Variants in CCT6A observed in about 807,000 individuals in gnomAD.
The protein encoded by CCT6A is chaperonin containing TCP1 subunit 6A, also known as T-complex protein 1 subunit zeta.
Under a neutral mutation model 58.6 loss-of-function variants are expected in CCT6A, and 6 were observed. The observed-to-expected ratio is 0.10, with a 90% CI of 0.06 to 0.20. The LOEUF is 0.20. Among genes scored for constraint, CCT6A ranks in the 10% least tolerant of loss-of-function variants. The pLI, the probability that CCT6A is intolerant of heterozygous loss-of-function variation, is 1.00. For missense variants in CCT6A, 516 were observed against 648.8 expected, an observed-to-expected ratio of 0.80 and a Z score of 2.22; for synonymous variants, 245 against 227.8, an observed-to-expected ratio of 1.08 and a Z score of -0.68.
chr7:56,052,396 C>CTGGTTCATTTCTGT, intron 1 of CCT6A, 26 bp from the exon 2 acceptor site: 1 of 1,607,164 alleles, frequency 6.2e-7, no homozygotes, highest in African/African-American at 1.3e-5. Flanking sequence ...AAGTCATAGT[C>CTGGTTCATTTCTGT]TGGTTCATTT....
intron 2 of CCT6A, among the ~76,000 whole-genome samples, chr7:56,052,969 T>C (rs1794204223): frequency 6.6e-6 from 1 of 152,120 alleles, no homozygotes; most frequent in African/African-American, 2.4e-5. Context: ...GATTTTTGTA[T>C]TTTTAGTAGA....
At chr7:56,056,738 A>G (rs965209401) in intron 5 of CCT6A, among the ~76,000 whole-genome samples, 5 of 151,582 alleles carry the variant, frequency 3.3e-5, no homozygotes, top group African/African-American at 4.8e-5. Flanking sequence ...AAAAAAAACA[A>G]AAACAAAAAA....
intron 10 of CCT6A, 186 bp from the exon 11 acceptor site, chr7:56,060,621 C>G (rs1429798984): frequency 6.5e-6 from 6 of 927,784 alleles, no homozygotes; most frequent in South Asian, 2.6e-5. Flanking sequence ...TAATACTGAT[C>G]TGTTGAAAGC....
chr7:56,057,454 T>A (rs899230887), intron 5 of CCT6A, among the ~76,000 whole-genome samples: 4 of 152,130 alleles, frequency 2.6e-5, no homozygotes, highest in African/African-American at 9.7e-5. Flanking sequence ...TCCTCTCACT[T>A]CTGCCTCCGT....
intron 11 of CCT6A, 125 bp from the exon 12 acceptor site, chr7:56,061,622 C>T (rs1398929929): frequency 1.8e-6 from 1 of 547,830 alleles, no homozygotes; most frequent in Non-Finnish European, 3.2e-6. Context: ...CCTGGGATTA[C>T]AGGCGTGAGC....
chr7:56,060,798 A>G lies in CCT6A; in HGVS notation c.1214-9A>G, dbSNP rs747908326. On this transcript the variant is annotated splice_polypyrimidine_tract_variant and intron_variant, in intron 10 of 13. Transcript: ENST00000275603. The stretch of plus-strand genomic sequence containing the variant: ...TTCTTAGCATTTTTCCTTTTCCCCC[A>G]TCCAACAGGCTGTGTGGTTCCAGGT... 1.9e-6 allele frequency: 3 copies of G among 1,599,704 alleles called. No individual in the cohort carries two copies. The highest frequency in any genetic ancestry group is 4.5e-5 in the East Asian group (2 of 44,848).
At chr7:56,059,857 AT>A (rs35171408) in intron 9 of CCT6A, 8,780 of 371,826 alleles carry the variant, frequency 0.024, no homozygotes, top group Middle Eastern at 0.032. Context: ...TGACTGGCTA[AT>A]TTTTTTTTTT....
intron 5 of CCT6A, 50 bp from the exon 6 acceptor site, chr7:56,057,943 A>C (rs41298776): frequency 9.3e-4 from 899 of 963,210 alleles, no homozygotes; most frequent in Non-Finnish European, 1.2e-3. Context: ...TTAATATATT[A>C]AATACCCATC....
chr7:56,062,602 T>A (rs1335517992), intron 12 of CCT6A, 81 bp from the exon 13 acceptor site: 2 of 1,120,552 alleles, frequency 1.8e-6, no homozygotes, highest in East Asian at 4.7e-5. Context: ...AGGAAATGAG[T>A]CATCAGTGAT....
chr7:56,056,385 G>T lies in CCT6A; in HGVS notation c.585G>T (p.Glu195Asp), dbSNP rs773670362. ...ATCTCTTCATGATTGAGATCATGGA[G>T]ATGAAACATAAATCTGAAACTGATA... is the stretch of plus-strand genomic sequence containing the variant. The part of the protein sequence containing the change: ...PIDLFMIEIM[E>D]MKHKSETDTS... The change falls in exon 5 of 14, where the codon GAG (glutamate) becomes GAT (aspartate). Residue 195 changes from glutamate to aspartate, a missense_variant. Transcript: ENST00000275603. The T allele has an allele frequency of 1.9e-6, 3 of 1,585,150 alleles. No individual in the cohort carries two copies. The highest frequency in any genetic ancestry group is 2.6e-6 in the Non-Finnish European group (3 of 1,153,690).
chr7:56,059,261 A>G (rs1046093965), intron 8 of CCT6A, among the ~76,000 whole-genome samples: 1 of 151,932 alleles, frequency 6.6e-6, no homozygotes, highest in Non-Finnish European at 1.5e-5. Context: ...TCAACCTCCC[A>G]AAGTGTTGGG....
Position 56,058,174 on chromosome 7 carries a change from CTT to C in CCT6A, c.725+73_725+74del. 2.9e-6 allele frequency: 3 copies of C among 1,027,268 alleles called. No homozygotes were observed. The East Asian group carries it at 7.4e-5, about 25-fold the overall frequency. The allele number at this position is 1,027,268 out of a possible 1,614,324, so 63.6% of individuals were successfully genotyped here. ...TTAGGCGAGTTACTTTTTTGTGAAA[CTT>C]TGTTTCCCACTGTAAGGACAATAAT... On this transcript the variant is annotated intron_variant, in intron 6 of 13. Transcript: ENST00000275603.
At chr7:56,055,551 A>ATTACCTGAAC in intron 3 of CCT6A, 73 bp from the exon 4 acceptor site, 1 of 1,283,646 alleles carries the variant, frequency 7.8e-7, no homozygotes, top group Non-Finnish European at 1.1e-6. Flanking sequence ...TCCTTCAATA[A>ATTACCTGAAC]TTACCTGAAC....
intron 11 of CCT6A, 106 bp downstream of exon 11, chr7:56,061,046 TC>T (rs1794420939): frequency 7.8e-7 from 1 of 1,286,426 alleles, no homozygotes; most frequent in African/African-American, 1.5e-5. Context: ...GCAAGTTTGA[TC>T]AGTTTTCTTT....
chr7:56,054,511 C>T lies in CCT6A; in HGVS notation c.336+8C>T. ...GATCTCTACATTTCTGAAGTATGCACAACTCTTGTTTCTGTAATTTTTTTT... is the reference window on the plus strand; with the variant it reads ...GATCTCTACATTTCTGAAGTATGCATAACTCTTGTTTCTGTAATTTTTTTT... On this transcript the variant is annotated splice_region_variant and intron_variant, in intron 3 of 13. Transcript: ENST00000275603. The T allele has an allele frequency of 6.2e-7, 1 of 1,604,718 alleles. No individual in the cohort carries two copies. Among genetic ancestry groups the T allele is most frequent in the East Asian group, 2.2e-5 (1 of 44,732 alleles).
intron 2 of CCT6A, among the ~76,000 whole-genome samples, chr7:56,053,151 G>T (rs982105092): frequency 6.6e-6 from 1 of 152,192 alleles, no homozygotes; most frequent in Non-Finnish European, 1.5e-5. Context: ...AACTGGAGGG[G>T]AGATAAATCT....
At chr7:56,062,898 G>A in intron 13 of CCT6A, 115 bp from the exon 14 acceptor site, 1 of 1,138,360 alleles carries the variant, frequency 8.8e-7, no homozygotes, top group Non-Finnish European at 1.3e-6. Flanking sequence ...GATGTGTAGA[G>A]GGGAAGGGGG....
At position 56,052,497 on chromosome 7, in the gene CCT6A, T is replaced by C. The variant is rs1246506379; in HGVS notation, c.201+12T>C. 2 of 1,609,338 alleles carry C rather than the reference T, an allele frequency of 1.2e-6. No homozygotes were observed. Among genetic ancestry groups the C allele is most frequent in the South Asian group, 1.1e-5 (1 of 90,992 alleles). ...TGCTTCACGAAATGGTGAGAGGTGCTCTGGGCTAGGTCAGAAAGGTCTTGA... is the reference window on the plus strand; with the variant it reads ...TGCTTCACGAAATGGTGAGAGGTGCCCTGGGCTAGGTCAGAAAGGTCTTGA... On this transcript the variant is annotated intron_variant, in intron 2 of 13. Coordinates refer to ENST00000275603, the MANE Select transcript of CCT6A (RefSeq NM_001762.4).
At position 56,060,302 on chromosome 7, in the gene CCT6A, A is replaced by T; in HGVS notation, c.1099A>T (p.Asn367Tyr). Reference sequence around the variant, plus strand: ...GAAGTTTACCTTTATTGAGAAATGTAACAACCCTCGTTCTGTCACATTATT... The same window carrying T: ...GAAGTTTACCTTTATTGAGAAATGTTACAACCCTCGTTCTGTCACATTATT... ...EEKFTFIEKC[N>Y]NPRSVTLLIK... The change falls in exon 10 of 14, where the codon AAC (asparagine) becomes TAC (tyrosine). Residue 367 changes from asparagine to tyrosine, a missense_variant. By Grantham distance (143) the Asn-to-Tyr change is moderately radical. This residue lies in a region of CCT6A where 315 missense variants were observed against 389.4 expected (regional missense o/e 0.81). Transcript: ENST00000275603. 4 of 1,613,678 alleles carry T rather than the reference A, an allele frequency of 2.5e-6. No individual in the cohort carries two copies. Among genetic ancestry groups the T allele is most frequent in the Non-Finnish European group, 3.4e-6 (4 of 1,179,548 alleles).
Sources: allele counts gnomAD v4.1 joint callset (sites outside exome capture counted in the v4.1 genomes callset), GRCh38; gene constraint gnomAD v4.1.1; regional missense constraint gnomAD v4.1.1; transcripts MANE v1.5; gene names NCBI Gene and HGNC (gene_info 2026-07-23, HGNC 2026-07-21).